Variants in ATRNL1 observed in about 807,000 individuals in gnomAD.
The protein encoded by ATRNL1 is attractin like 1.
In ATRNL1, 95 loss-of-function variants were observed where a neutral mutation model predicts 182.7. The observed-to-expected ratio is 0.52, with a 90% CI of 0.44 to 0.62. The LOEUF (loss-of-function observed/expected upper bound fraction) is 0.62. Among genes scored for constraint, ATRNL1 ranks in the 20% least tolerant of loss-of-function variants. The pLI is 0.00. For synonymous variants in ATRNL1, 576 were observed against 568.3 expected (o/e 1.01, Z -0.19); for missense variants, 1,471 against 1,679.5 (o/e 0.88, Z 2.17).
chr10:115,370,076 T>A (rs1363737712), intron 19 of ATRNL1, among the ~76,000 whole-genome samples: 2 of 152,026 alleles, frequency 1.3e-5, no homozygotes, highest in African/African-American at 4.8e-5. Context: ...TAAAGGGGAG[T>A]TTCCCTGCAC....
At chr10:115,833,779 AC>A (rs1950609283) in intron 27 of ATRNL1, among the ~76,000 whole-genome samples, 1 of 152,196 alleles carries the variant, frequency 6.6e-6, no homozygotes, top group Non-Finnish European at 1.5e-5. Context: ...ACCAGAGCCC[AC>A]ATGTTTACCC....
intron 28 of ATRNL1, among the ~76,000 whole-genome samples, chr10:115,908,234 AC>A (rs1952561599): frequency 6.6e-6 from 1 of 152,084 alleles, no homozygotes; most frequent in African/African-American, 2.4e-5. Flanking sequence ...AATTACCACG[AC>A]CTAGGCAGCT....
intron 27 of ATRNL1, among the ~76,000 whole-genome samples, chr10:115,804,136 T>C (rs192996762): frequency 6.6e-6 from 1 of 152,136 alleles, no homozygotes; most frequent in African/African-American, 2.4e-5. Context: ...GTCCAAAACA[T>C]GTAGCAAGTA....
chr10:115,223,929 ATTTTTTT>A (rs1223695295), intron 9 of ATRNL1, among the ~76,000 whole-genome samples: 21 of 44,734 alleles, frequency 4.7e-4, no homozygotes, highest in Non-Finnish European at 1.8e-4. Flanking sequence ...ATATATATAT[ATTTTTTT>A]TTTTTTTTTT....
intron 26 of ATRNL1, among the ~76,000 whole-genome samples, chr10:115,649,517 T>G (rs1859846970): frequency 2.0e-5 from 3 of 152,108 alleles, no homozygotes; most frequent in Admixed American, 2.0e-4. Context: ...GAGCCTTCTG[T>G]CCCGGTTCTA....
chr10:115,580,743 T>G (rs1381527967), intron 26 of ATRNL1, among the ~76,000 whole-genome samples: 1 of 152,000 alleles, frequency 6.6e-6, no homozygotes, highest in Non-Finnish European at 1.5e-5. Flanking sequence ...TACCCATAAG[T>G]CCCATAAAGC....
At chr10:115,372,259 A>G (rs1430367258) in intron 19 of ATRNL1, among the ~76,000 whole-genome samples, 5 of 152,076 alleles carry the variant, frequency 3.3e-5, no homozygotes, top group Non-Finnish European at 7.4e-5. Flanking sequence ...ATATTTTTTG[A>G]TATTAACCCC....
chr10:115,120,152 T>C (rs1554871150), intron 1 of ATRNL1, 33 bp from the exon 2 acceptor site: 1 of 1,268,918 alleles, frequency 7.9e-7, no homozygotes, highest in Non-Finnish European at 1.1e-6. Flanking sequence ...TATTTTAAGG[T>C]AATTATTTTC....
intron 15 of ATRNL1, among the ~76,000 whole-genome samples, chr10:115,293,295 A>T (rs1554921480): frequency 1.3e-5 from 2 of 152,006 alleles, no homozygotes; most frequent in Non-Finnish European, 2.9e-5. Flanking sequence ...TTATTTTTTT[A>T]AAAAATACCC....
intron 8 of ATRNL1, among the ~76,000 whole-genome samples, chr10:115,193,636 TA>T (rs1554890366): frequency 2.0e-5 from 3 of 151,912 alleles, no homozygotes; most frequent in African/African-American, 7.2e-5. Flanking sequence ...GATTTGTCTA[TA>T]TTTTCATCTT....
At chr10:115,228,193 AG>A (rs1172749530) in intron 9 of ATRNL1, among the ~76,000 whole-genome samples, 1 of 152,190 alleles carries the variant, frequency 6.6e-6, no homozygotes, top group African/African-American at 2.4e-5. Context: ...TATCAGTGTT[AG>A]AAAAGAATGG....
At chr10:115,311,168 A>C (rs571350737) in intron 17 of ATRNL1, among the ~76,000 whole-genome samples, 1 of 151,144 alleles carries the variant, frequency 6.6e-6, no homozygotes, top group South Asian at 2.1e-4. Flanking sequence ...GTGGTCTGAG[A>C]AGATACTTGA....
At chr10:115,670,790 C>A (rs1329699400) in intron 26 of ATRNL1, among the ~76,000 whole-genome samples, 1 of 152,100 alleles carries the variant, frequency 6.6e-6, no homozygotes, top group Non-Finnish European at 1.5e-5. Context: ...CACCTGAGTT[C>A]AGGTCAAGGT....
intron 26 of ATRNL1, among the ~76,000 whole-genome samples, chr10:115,717,053 C>A (rs993171615): frequency 4.6e-5 from 7 of 152,044 alleles, no homozygotes; most frequent in Non-Finnish European, 1.0e-4. Context: ...CAGTACTCAT[C>A]CTTTTGCTCA....
chr10:115,267,705 T>G (rs2133886067), intron 12 of ATRNL1, among the ~76,000 whole-genome samples: 1 of 152,286 alleles, frequency 6.6e-6, no homozygotes, highest in African/African-American at 2.4e-5. Flanking sequence ...TTTGTATGTA[T>G]AGTAATACAC....
intron 27 of ATRNL1, among the ~76,000 whole-genome samples, chr10:115,794,774 A>G (rs2134219694): frequency 6.6e-6 from 1 of 152,284 alleles, no homozygotes; most frequent in South Asian, 2.1e-4. Context: ...TGTTTTCTTC[A>G]ATATAAAATT....
intron 3 of ATRNL1, among the ~76,000 whole-genome samples, chr10:115,126,475 A>G (rs1844980967): frequency 6.6e-6 from 1 of 152,228 alleles, no homozygotes. Flanking sequence ...AACAATATGT[A>G]TGTATAACTT....
chr10:115,579,757 A>G (rs1225592798), intron 26 of ATRNL1, among the ~76,000 whole-genome samples: 2 of 151,892 alleles, frequency 1.3e-5, no homozygotes, highest in African/African-American at 2.4e-5. Context: ...TACTATTGCC[A>G]TTTTGTTAAC....
chr10:115,317,230 G>T (rs1157150534), intron 18 of ATRNL1, among the ~76,000 whole-genome samples: 2 of 152,138 alleles, frequency 1.3e-5, no homozygotes, highest in African/African-American at 4.8e-5. Context: ...GGTTGTAGAT[G>T]TGTGGTGTTA....
Sources: allele counts gnomAD v4.1 joint callset (sites outside exome capture counted in the v4.1 genomes callset), GRCh38; gene constraint gnomAD v4.1.1; transcripts MANE v1.5; gene names NCBI Gene and HGNC (gene_info 2026-07-23, HGNC 2026-07-21).